The following SREK1 variants were observed in gnomAD, a reference collection of about 807,000 sequenced individuals.
SREK1 encodes splicing regulatory glutamine/lysine-rich protein 1.
A neutral mutation model predicts 66.5 loss-of-function variants in SREK1; 13 were observed. The observed-to-expected ratio is 0.20, with a 90% CI of 0.13 to 0.31. SREK1 has a LOEUF of 0.31. Among genes scored for constraint, SREK1 ranks in the 10% least tolerant of loss-of-function variants. The pLI is 1.00. For synonymous variants in SREK1, 265 were observed against 263.5 expected (o/e 1.01, Z -0.05); for missense variants, 607 against 769.6 (o/e 0.79, Z 2.50).
chr5:66,166,358 A>T (rs968832015), intron 7 of SREK1: 5 of 152,236 alleles, frequency 3.3e-5, no homozygotes, highest in African/African-American at 1.2e-4. Flanking sequence ...GATGATGAAT[A>T]AAATTGTTGT....
Position 66,182,130 on chromosome 5 carries a change from A to G in SREK1, c.*3262A>G, listed in dbSNP as rs1300170556. On this transcript the variant is annotated 3_prime_UTR_variant, in exon 12 of 12. Transcript: ENST00000334121. The stretch of plus-strand genomic sequence containing the variant: ...AAGAGCATGATTTAATTATTGTTGA[A>G]TTAACAATTAAAATGAATCCCTTTG... 2.0e-5 allele frequency: 3 copies of G among 152,054 alleles called. No homozygotes were observed. The highest frequency in any genetic ancestry group is 4.4e-5 in the Non-Finnish European group (3 of 68,022). The allele number at this position is 152,054 out of a possible 1,614,324, so 9.4% of individuals were successfully genotyped here.
chr5:66,155,794 T>G (rs1051554641), intron 2 of SREK1, among the ~76,000 whole-genome samples: 25 of 152,234 alleles, frequency 1.6e-4, no homozygotes, highest in African/African-American at 5.5e-4. Context: ...TTCATGCATA[T>G]TAAGCCTTAG....
At chr5:66,166,619 A>G (rs997952538) in intron 7 of SREK1, 1 of 151,878 alleles carries the variant, frequency 6.6e-6, no homozygotes, top group African/African-American at 2.4e-5. Flanking sequence ...ACAGACACGC[A>G]CCACCACGCC....
rs914267329 is a variant in SREK1, at chr5:66,179,125, A to G, written c.*257A>G. ...TTCCATGGTGGCTGACACACTTGTC[A>G]TGTGGTCTGTTAGTGTTTGCCAAGA... On this transcript the variant is annotated 3_prime_UTR_variant, in exon 12 of 12. Coordinates refer to ENST00000334121, the MANE Select transcript of SREK1 (RefSeq NM_001077199.3). The G allele has an allele frequency of 4.6e-5, 13 of 280,240 alleles. No homozygotes were observed. The East Asian group carries it at 7.1e-4, about 15-fold the overall frequency. The allele number at this position is 280,240 out of a possible 1,614,324, so 17.4% of individuals were successfully genotyped here.
intron 11 of SREK1, among the ~76,000 whole-genome samples, chr5:66,178,340 G>T (rs556661330): frequency 1.3e-5 from 2 of 152,002 alleles, no homozygotes; most frequent in African/African-American, 4.8e-5. Context: ...AGGAGGCATA[G>T]TGACTTCCTT....
At chr5:66,177,820 A>G (rs928931173) in intron 11 of SREK1, among the ~76,000 whole-genome samples, 162 bp downstream of exon 11, 4 of 152,080 alleles carry the variant, frequency 2.6e-5, no homozygotes, top group East Asian at 3.8e-4. Context: ...TAAAAAAACT[A>G]AATGTTGAAG....
intron 11 of SREK1, 89 bp from the exon 12 acceptor site, chr5:66,178,630 T>G (rs1746260906): frequency 2.3e-6 from 3 of 1,311,528 alleles, no homozygotes; most frequent in Admixed American, 2.5e-5. Flanking sequence ...TTTTTTAAAT[T>G]TGCAAAAGAT....
intron 2 of SREK1, chr5:66,157,527 A>G (rs1320485003): frequency 2.0e-6 from 2 of 983,770 alleles, no homozygotes; most frequent in Middle Eastern, 5.2e-4. Flanking sequence ...AATTTATAAC[A>G]GATAAAACAG....
Position 66,178,910 on chromosome 5 carries a change from C to G in SREK1, c.*42C>G. The G allele has an allele frequency of 6.6e-7, 1 of 1,512,358 alleles. No individual in the cohort carries two copies. The highest frequency in any genetic ancestry group is 8.9e-7 in the Non-Finnish European group (1 of 1,124,232). 93.7% of individuals were successfully genotyped at this position (1,512,358 alleles called of 1,614,324 possible). On this transcript the variant is annotated 3_prime_UTR_variant, in exon 12 of 12. Coordinates refer to ENST00000334121, the MANE Select transcript of SREK1 (RefSeq NM_001077199.3). The stretch of plus-strand genomic sequence containing the variant: ...TCTGCACTCAATGCTGGAATCAAAT[C>G]CAAAGCTTTTAATTCTCTCAACAAG...
chr5:66,167,814 A>G (rs937898932), intron 7 of SREK1: 6 of 152,242 alleles, frequency 3.9e-5, no homozygotes, highest in African/African-American at 1.4e-4. Context: ...CAAAAGAATT[A>G]TATTTTTAGC....
chr5:66,171,050 G>C, intron 9 of SREK1, 103 bp downstream of exon 9: 1 of 1,351,362 alleles, frequency 7.4e-7, no homozygotes, highest in Non-Finnish European at 1.0e-6. Flanking sequence ...AGTGGAACCT[G>C]TAAAGTAATA....
chr5:66,174,133 T>TC (rs1561516511), intron 9 of SREK1, among the ~76,000 whole-genome samples: 1 of 124,918 alleles, frequency 8.0e-6, no homozygotes, highest in Non-Finnish European at 1.7e-5. Context: ...GTGAGATAGA[T>TC]CATTGGGTAT....
Position 66,181,109 on chromosome 5 carries a change from ATATT to A in SREK1, c.*2246_*2249del, listed in dbSNP as rs1746448859. 1 of 152,228 alleles carries A rather than the reference ATATT, an allele frequency of 6.6e-6. No individual in the cohort carries two copies. Among genetic ancestry groups the A allele is most frequent in the African/African-American group, 2.4e-5 (1 of 41,462 alleles). The allele number at this position is 152,228 out of a possible 1,614,324, so 9.4% of individuals were successfully genotyped here. On this transcript the variant is annotated 3_prime_UTR_variant, in exon 12 of 12. Coordinates refer to ENST00000334121, the MANE Select transcript of SREK1 (RefSeq NM_001077199.3). Reference sequence around the variant, plus strand: ...TTGCTGCTAATTATTTTCTCTGCTGATATTTATTAAGCTTTAAAATAATCGTACT... The same window carrying A: ...TTGCTGCTAATTATTTTCTCTGCTGATATTAAGCTTTAAAATAATCGTACT...
At chr5:66,151,251 C>T (rs767190018) in intron 1 of SREK1, among the ~76,000 whole-genome samples, 2 of 152,104 alleles carry the variant, frequency 1.3e-5, no homozygotes, top group Non-Finnish European at 2.9e-5. Flanking sequence ...TGTTGCCAGT[C>T]GTTGTGGTGG....
chr5:66,164,187 G>A (rs1346141516), intron 6 of SREK1: 2 of 359,272 alleles, frequency 5.6e-6, no homozygotes, highest in Non-Finnish European at 1.0e-5. Flanking sequence ...CAAGTGATTT[G>A]CTGAAAGCAA....
In SREK1 at chr5:66,183,583, A is replaced by G. The variant is rs1054114379; in HGVS notation, c.*4715A>G. 7 of 152,210 alleles carry G rather than the reference A, an allele frequency of 4.6e-5. No individual in the cohort carries two copies. Among genetic ancestry groups the G allele is most frequent in the Non-Finnish European group, 7.4e-5 (5 of 68,024 alleles). 9.4% of individuals were successfully genotyped at this position (152,210 alleles called of 1,614,324 possible). A position where few individuals can be genotyped will look rare whatever the true frequency, so the allele number is the denominator to read the frequency against. The stretch of plus-strand genomic sequence containing the variant: ...CAAACAATGCTGCTATTATGTTGCT[A>G]TATTTTTAATAAAATGAAAATCTTA... On this transcript the variant is annotated 3_prime_UTR_variant, in exon 12 of 12. Coordinates refer to ENST00000334121, the MANE Select transcript of SREK1 (RefSeq NM_001077199.3).
chr5:66,180,849 G>A lies in SREK1; in HGVS notation c.*1981G>A, dbSNP rs1383592845. 4 of 152,518 alleles carry A rather than the reference G, an allele frequency of 2.6e-5. 1 individual carries two copies. The highest frequency in any genetic ancestry group is 7.2e-5 in the African/African-American group (3 of 41,394). 9.4% of individuals were successfully genotyped at this position (152,518 alleles called of 1,614,324 possible). On this transcript the variant is annotated 3_prime_UTR_variant, in exon 12 of 12. Transcript: ENST00000334121. ...CAAATGTTGGAATCTGTTATTTTTA[G>A]TACCATGTCTTTAATAAAGCTAAGT...
intron 10 of SREK1, among the ~76,000 whole-genome samples, chr5:66,176,333 A>G (rs765634823): frequency 9.9e-5 from 15 of 151,990 alleles, no homozygotes; most frequent in Non-Finnish European, 1.9e-4. Context: ...TTGAGATTAT[A>G]CCGTATTTTT....
At position 66,170,070 on chromosome 5, in the gene SREK1, T is replaced by G. The variant is rs962286128; in HGVS notation, c.1021T>G (p.Ser341Ala). 3.1e-6 allele frequency: 5 copies of G among 1,605,354 alleles called. No homozygotes were observed. Among genetic ancestry groups the G allele is most frequent in the African/African-American group, 1.3e-5 (1 of 74,452 alleles). The change falls in exon 8 of 12, where the codon TCA (serine) becomes GCA (alanine). Residue 341 changes from serine to alanine, a missense_variant. Transcript: ENST00000334121. ...CTTTAGGAGTAGATCCCATAATAGA[T>G]CACGTTCAAGACAGAAAGACAGACG... ...SKHRSRSHNR[S>A]RSRQKDRRRS...
Sources: gnomAD v4.1 joint callset for allele counts (sites outside exome capture counted in the v4.1 genomes callset) on GRCh38, gnomAD v4.1.1 for gene constraint, MANE v1.5 for transcripts, NCBI Gene and HGNC (gene_info 2026-07-23, HGNC 2026-07-21) for gene names.